CFTR: variants seen among roughly 807,000 people sequenced by gnomAD.
CFTR encodes CF transmembrane conductance regulator, also known as cystic fibrosis transmembrane conductance regulator.
Under a neutral mutation model 171.6 loss-of-function variants are expected in CFTR, and 181 were observed. The ratio of observed to expected loss-of-function variants is 1.05; its 90% CI spans 0.93 to 1.19. The LOEUF (loss-of-function observed/expected upper bound fraction) is 1.19. Among genes scored for constraint, CFTR ranks in the 50% most tolerant of loss-of-function variants. The pLI is 0.00. For missense variants in CFTR, 1,968 were observed against 1,734.7 expected (o/e 1.13, Z -2.39); for synonymous variants, 583 against 608.0 (o/e 0.96, Z 0.60).
At chr7:117,666,779 T>C (rs1793382476) in intron 26 of CFTR, 129 bp from the exon 27 acceptor site, 2 of 794,004 alleles carry the variant, frequency 2.5e-6, no homozygotes, top group African/African-American at 1.7e-5. Flanking sequence ...TACCTGATTG[T>C]TCAAAATGCA....
intron 8 of CFTR, among the ~76,000 whole-genome samples, chr7:117,540,937 T>TTACACA (rs1554381457): frequency 6.6e-6 from 1 of 151,548 alleles, no homozygotes; most frequent in African/African-American, 2.4e-5. Context: ...GGGAGATGTC[T>TTACACA]CACACACACA....
chr7:117,507,823 G>T (rs1294952129), intron 2 of CFTR, among the ~76,000 whole-genome samples: 1 of 152,128 alleles, frequency 6.6e-6, no homozygotes, highest in Non-Finnish European at 1.5e-5. Context: ...ACAGAGTCTC[G>T]CTGTGTCACC....
intron 24 of CFTR, among the ~76,000 whole-genome samples, chr7:117,659,811 C>A (rs1304485533): frequency 1.3e-5 from 2 of 152,108 alleles, no homozygotes; most frequent in Non-Finnish European, 2.9e-5. Context: ...AAAATTTACC[C>A]TGAAAAATCT....
intron 12 of CFTR, 130 bp from the exon 13 acceptor site, chr7:117,590,223 G>T: frequency 9.5e-7 from 1 of 1,055,390 alleles, no homozygotes; most frequent in Non-Finnish European, 1.4e-6. Context: ...TTTGAGAATA[G>T]TGTTATTTCA....
intron 1 of CFTR, among the ~76,000 whole-genome samples, chr7:117,498,741 C>T (rs904490596): frequency 3.0e-4 from 45 of 151,992 alleles, no homozygotes; most frequent in African/African-American, 1.0e-3. Context: ...TAGAGCTGTG[C>T]TCTAGAAGTT....
At chr7:117,557,191 T>C (rs879821165) in intron 10 of CFTR, among the ~76,000 whole-genome samples, 5 of 152,088 alleles carry the variant, frequency 3.3e-5, no homozygotes, top group Non-Finnish European at 7.4e-5. Flanking sequence ...TGACCTAAGA[T>C]ATCCTAAGGG....
intron 22 of CFTR, among the ~76,000 whole-genome samples, chr7:117,634,305 G>A (rs973114872): frequency 6.6e-6 from 1 of 152,022 alleles, no homozygotes; most frequent in Non-Finnish European, 1.5e-5. Flanking sequence ...TCCTTTTAAT[G>A]TGCAAGGGAT....
At chr7:117,563,736 A>G (rs1791553846) in intron 11 of CFTR, among the ~76,000 whole-genome samples, 1 of 152,186 alleles carries the variant, frequency 6.6e-6, no homozygotes, top group African/African-American at 2.4e-5. Context: ...ATTGTTGACA[A>G]TAAGTTCCAT....
chr7:117,610,416 T>C, intron 18 of CFTR, 103 bp from the exon 19 acceptor site: 1 of 1,028,444 alleles, frequency 9.7e-7, no homozygotes, highest in East Asian at 2.5e-5. Flanking sequence ...TTGAGGTGTT[T>C]AAAGTATGCA....
chr7:117,504,458 T>C, intron 2 of CFTR, 95 bp downstream of exon 2: 1 of 752,630 alleles, frequency 1.3e-6, no homozygotes. Context: ...TTAATTCTTA[T>C]ATTTAAAAAT....
At position 117,489,450 on chromosome 7, in the gene CFTR, C is replaced by T. The variant is rs1405184960; in HGVS notation, c.53+9303C>T. On this transcript the variant is annotated intron_variant, in intron 1 of 26. Transcript: ENST00000003084. ...ATGGTAAATTCTATAACCAATATCA[C>T]CTTAAAGCAAGTACGCATGATAAAG... is the stretch of plus-strand genomic sequence containing the variant. 3.3e-5 allele frequency among the ~76,000 whole-genome samples: 5 copies of T among 152,010 alleles called. No homozygotes were observed. The East Asian group carries it at 9.6e-4, about 29-fold the overall frequency.
In CFTR at chr7:117,535,156, T is replaced by A. The variant is rs117548166; in HGVS notation, c.580-92T>A. On this transcript the variant is annotated intron_variant, in intron 5 of 26. Transcript: ENST00000003084. ...CCACGAAGTGTTTGATCATATAAGC[T>A]CCTTTTACTTGCTTTCTTTCATATA... 2,759 of 1,339,000 alleles carry A rather than the reference T, an allele frequency of 2.1e-3. 7 individuals are homozygous for A. The highest frequency in any genetic ancestry group is 2.6e-3 in the Non-Finnish European group (2,404 of 933,306). The allele number at this position is 1,339,000 out of a possible 1,614,324, so 82.9% of individuals were successfully genotyped here.
chr7:117,531,163 C>G, intron 4 of CFTR, 49 bp downstream of exon 4: 1 of 1,422,176 alleles, frequency 7.0e-7, no homozygotes, highest in Non-Finnish European at 9.8e-7. Flanking sequence ...CTGTATCGTA[C>G]ATGTTTTAAT....
intron 9 of CFTR, among the ~76,000 whole-genome samples, chr7:117,545,410 T>C (rs971237329): frequency 1.3e-5 from 2 of 152,194 alleles, no homozygotes; most frequent in African/African-American, 2.4e-5. Flanking sequence ...CAGGCTCAAG[T>C]GATAACCAAT....
In CFTR at chr7:117,499,913, G is replaced by T. The variant is rs537916627; in HGVS notation, c.54-4340G>T. 2.6e-5 allele frequency among the ~76,000 whole-genome samples: 4 copies of T among 152,256 alleles called. 1 individual carries two copies. The South Asian group carries it at 8.3e-4, about 32-fold the overall frequency. Reference sequence around the variant, plus strand: ...CAATATGTAGTGGCTATGAATGGAGGTTATGAATGAAAGAGAAGGATAAGA... The same window carrying T: ...CAATATGTAGTGGCTATGAATGGAGTTTATGAATGAAAGAGAAGGATAAGA... On this transcript the variant is annotated intron_variant, in intron 1 of 26. Coordinates refer to ENST00000003084, the MANE Select transcript of CFTR (RefSeq NM_000492.4).
intron 12 of CFTR, 76 bp from the exon 13 acceptor site, chr7:117,590,277 G>A: frequency 1.3e-6 from 2 of 1,553,434 alleles, no homozygotes; most frequent in Non-Finnish European, 8.8e-7. Flanking sequence ...GTAGTGAACT[G>A]TTTAAGGCAA....
intron 11 of CFTR, among the ~76,000 whole-genome samples, 199 bp downstream of exon 11, chr7:117,559,854 A>T (rs1271382173): frequency 6.6e-6 from 1 of 152,114 alleles, no homozygotes. Context: ...AATAAATGCA[A>T]TTTATTTTTT....
At chr7:117,567,262 AT>A (rs1791617341) in intron 11 of CFTR, among the ~76,000 whole-genome samples, 1 of 152,148 alleles carries the variant, frequency 6.6e-6, no homozygotes, top group African/African-American at 2.4e-5. Context: ...TCTTACACTT[AT>A]TTTTTAATGG....
At chr7:117,583,329 A>G (rs1219975122) in intron 11 of CFTR, among the ~76,000 whole-genome samples, 1 of 148,576 alleles carries the variant, frequency 6.7e-6, no homozygotes, top group Non-Finnish European at 1.5e-5. Context: ...CCCCCGCTCC[A>G]CCCTTCCTTT....
Sources: allele counts gnomAD v4.1 joint callset (sites outside exome capture counted in the v4.1 genomes callset), GRCh38; gene constraint gnomAD v4.1.1; transcripts MANE v1.5; gene names NCBI Gene and HGNC (gene_info 2026-07-23, HGNC 2026-07-21).